BAZ2B: variants seen among roughly 807,000 people sequenced by gnomAD.
BAZ2B encodes bromodomain adjacent to zinc finger domain protein 2B.
A neutral mutation model predicts 246.0 loss-of-function variants in BAZ2B; 91 were observed. The ratio of observed to expected loss-of-function variants is 0.37; its 90% CI spans 0.31 to 0.44. The LOEUF (loss-of-function observed/expected upper bound fraction) is 0.44. BAZ2B is among the 20% of genes least tolerant of loss of function. The pLI is 1.00. For synonymous variants in BAZ2B, 855 were observed against 860.0 expected, an observed-to-expected ratio of 0.99 and a Z score of 0.10; for missense variants, 2,332 against 2,533.7, an observed-to-expected ratio of 0.92 and a Z score of 1.71.
At chr2:159,430,837 G>C (rs1229039760) in intron 10 of BAZ2B, 26 bp downstream of exon 10, 1 of 1,589,426 alleles carries the variant, frequency 6.3e-7, no homozygotes, top group East Asian at 2.2e-5. Flanking sequence ...TTCTACTTTA[G>C]AATAATAAAA....
At chr2:159,467,404 C>T (rs879379152) in intron 3 of BAZ2B, among the ~76,000 whole-genome samples, 3 of 152,152 alleles carry the variant, frequency 2.0e-5, no homozygotes, top group Non-Finnish European at 4.4e-5. Context: ...GGTTCTGCCT[C>T]CCTCAGACGG....
rs191674755 is a variant in BAZ2B at position 159,405,360 on chromosome 2, C to T, written c.2678-246G>A. On this transcript the variant is annotated intron_variant, in intron 14 of 36. Transcript: ENST00000392783. ...CCAAGTAGCTGGGATTACAGGCGTG[C>T]GCCACCACACCCAGCTAATTTTTGT... Among the ~76,000 whole-genome samples the T allele has an allele frequency of 1.8e-4, 28 of 152,042 alleles. No individual in the cohort carries two copies. In the East Asian group the frequency reaches 2.1e-3, roughly 12 times the overall value.
upstream of BAZ2B, chr2:159,616,617 A>T (rs1287201979): frequency 1.3e-5 from 2 of 152,214 alleles, no homozygotes; most frequent in Non-Finnish European, 2.9e-5. Context: ...AACAAGGGAA[A>T]AAAAGAGAGA....
intron 2 of BAZ2B, among the ~76,000 whole-genome samples, chr2:159,520,255 G>A (rs554644452): frequency 6.6e-6 from 1 of 152,044 alleles, no homozygotes; most frequent in Admixed American, 6.5e-5. Flanking sequence ...CTTACTACTG[G>A]GTTGGTCTGC....
At chr2:159,428,511 A>G in intron 11 of BAZ2B, 92 bp from the exon 12 acceptor site, 1 of 850,532 alleles carries the variant, frequency 1.2e-6, no homozygotes, top group Non-Finnish European at 1.7e-6. Context: ...TGTTCTCTAG[A>G]AAACATAAAA....
chr2:159,398,902 T>G lies in BAZ2B; in HGVS notation c.2899-8A>C. On this transcript the variant is annotated splice_polypyrimidine_tract_variant and splice_region_variant and intron_variant, in intron 17 of 36. Coordinates refer to ENST00000392783, the MANE Select transcript of BAZ2B (RefSeq NM_013450.4). Reference sequence around the variant, plus strand: ...CTTCTTTTTCTTTTTAGCCTGTGCATGCAAAACAGGTCTCAAAGTCATGCA... The same window carrying G: ...CTTCTTTTTCTTTTTAGCCTGTGCAGGCAAAACAGGTCTCAAAGTCATGCA... 6.2e-7 allele frequency: 1 copy of G among 1,608,502 alleles called. No individual in the cohort carries two copies. Among genetic ancestry groups the G allele is most frequent in the South Asian group, 1.1e-5 (1 of 90,954 alleles).
chr2:159,658,206 T>C, the BAZ2B span, among the ~76,000 whole-genome samples: 4 of 152,250 alleles, frequency 2.6e-5, no homozygotes, highest in African/African-American at 7.2e-5. Flanking sequence ...CTTTAGCCAG[T>C]TGATGTCATG....
intron 2 of BAZ2B, among the ~76,000 whole-genome samples, chr2:159,482,477 T>C (rs2079349186): frequency 1.3e-5 from 2 of 152,156 alleles, no homozygotes; most frequent in Admixed American, 1.3e-4. Context: ...TGAGTGAGCA[T>C]CTATGTATAT....
chr2:159,625,182 A>T, the BAZ2B span, among the ~76,000 whole-genome samples: 1 of 152,214 alleles, frequency 6.6e-6, no homozygotes, highest in Non-Finnish European at 1.5e-5. Flanking sequence ...GGACTATGTG[A>T]AAAGACCAAA....
the BAZ2B span, among the ~76,000 whole-genome samples, chr2:159,648,038 G>T: frequency 6.6e-6 from 1 of 152,078 alleles, no homozygotes; most frequent in Admixed American, 6.6e-5. Flanking sequence ...TCACACGTAT[G>T]TATATACTTG....
chr2:159,708,611 T>C, the BAZ2B span, among the ~76,000 whole-genome samples: 20 of 151,620 alleles, frequency 1.3e-4, no homozygotes, highest in Non-Finnish European at 2.4e-4. Context: ...ATAGGGTCTG[T>C]CACCCAGGCC....
intron 4 of BAZ2B, among the ~76,000 whole-genome samples, chr2:159,452,250 T>C (rs770538542): frequency 6.6e-6 from 1 of 152,210 alleles, no homozygotes; most frequent in Admixed American, 6.5e-5. Flanking sequence ...TAAAAACACT[T>C]CTTTCCTTTT....
At chr2:159,374,082 T>C (rs955594932) in intron 26 of BAZ2B, among the ~76,000 whole-genome samples, 17 of 150,620 alleles carry the variant, frequency 1.1e-4, no homozygotes, top group Non-Finnish European at 1.9e-4. Flanking sequence ...TTTTCTTTTT[T>C]TTTTTTTTTT....
At chr2:159,495,805 T>A (rs1234793817) in intron 2 of BAZ2B, among the ~76,000 whole-genome samples, 1 of 151,002 alleles carries the variant, frequency 6.6e-6, no homozygotes, top group African/African-American at 2.4e-5. Flanking sequence ...AGTCTCGCTC[T>A]GTTGCCCAGG....
chr2:159,562,210 T>TA (rs34094715), intron 1 of BAZ2B, among the ~76,000 whole-genome samples: 1 of 152,052 alleles, frequency 6.6e-6, no homozygotes, highest in Non-Finnish European at 1.5e-5. Flanking sequence ...GAAACTTCTC[T>TA]AAAAAAAGGT....
At chr2:159,688,188 T>C in the BAZ2B span, among the ~76,000 whole-genome samples, 1 of 149,596 alleles carries the variant, frequency 6.7e-6, no homozygotes, top group Non-Finnish European at 1.5e-5. Context: ...TACAGGCATG[T>C]GCCACCACAC....
At chr2:159,556,390 T>C (rs1451882189) in intron 1 of BAZ2B, among the ~76,000 whole-genome samples, 2 of 152,194 alleles carry the variant, frequency 1.3e-5, no homozygotes, top group East Asian at 3.8e-4. Flanking sequence ...GGGAAGAATT[T>C]AGAACAGGAA....
chr2:159,425,297 T>A (rs2069597197), intron 13 of BAZ2B, among the ~76,000 whole-genome samples: 1 of 152,178 alleles, frequency 6.6e-6, no homozygotes, highest in African/African-American at 2.4e-5. Context: ...TCTCCCTGCC[T>A]CAGCCTCCTG....
At chr2:159,660,162 A>G in the BAZ2B span, among the ~76,000 whole-genome samples, 1 of 152,146 alleles carries the variant, frequency 6.6e-6, no homozygotes, top group African/African-American at 2.4e-5. Context: ...CTTTGTCTCT[A>G]TTAATTTGCC....
Sources: allele counts gnomAD v4.1 joint callset (sites outside exome capture counted in the v4.1 genomes callset), GRCh38; gene constraint gnomAD v4.1.1; transcripts MANE v1.5; gene names NCBI Gene and HGNC (gene_info 2026-07-23, HGNC 2026-07-21).